RNF214: variants seen among roughly 807,000 people sequenced by gnomAD.
The protein encoded by RNF214 is ring finger protein 214.
In RNF214, 25 loss-of-function variants were observed where a neutral mutation model predicts 75.9. The observed-to-expected ratio is 0.33, with a 90% CI of 0.24 to 0.46. The LOEUF is 0.46. Ranked by LOEUF, RNF214 falls within the 20% of genes least tolerant of loss-of-function variation. The pLI is 1.00. For missense variants in RNF214, 725 were observed against 857.5 expected (o/e 0.85, Z 1.93); for synonymous variants, 314 against 308.8 (o/e 1.02, Z -0.18).
In RNF214 at chr11:117,282,042, A is replaced by G. The variant is rs1374898498; in HGVS notation, c.1484A>G (p.Gln495Arg). The change falls in exon 11 of 15, where the codon CAG becomes CGG. Residue 495 changes from glutamine (Q) to arginine (R), a missense_variant. Physicochemically the swap from Gln to Arg is conservative, Grantham distance 43. Transcript: ENST00000300650. ...SFPILNPALS[Q>R]PSQPSSPLPG... ...CCAATCCTGAACCCTGCCCTTTCCC[A>G]GCCCAGCCAGCCTTCCTCACCCCTT... 1 of 1,613,706 alleles carries G rather than the reference A, an allele frequency of 6.2e-7. No individual in the cohort carries two copies. The highest frequency in any genetic ancestry group is 8.5e-7 in the Non-Finnish European group (1 of 1,179,956).
chr11:117,267,599 C>G (rs1474544791), intron 6 of RNF214, among the ~76,000 whole-genome samples: 1 of 151,954 alleles, frequency 6.6e-6, no homozygotes, highest in Admixed American at 6.6e-5. Context: ...AGTGGTAGTG[C>G]ATGCCTGTGG....
chr11:117,247,872 CA>C (rs893651794), intron 6 of RNF214, among the ~76,000 whole-genome samples: 1 of 141,700 alleles, frequency 7.1e-6, no homozygotes, highest in African/African-American at 2.6e-5. Context: ...AAAAAAAAAA[CA>C]AAACAAAAAA....
chr11:117,282,689 G>C, intron 12 of RNF214, 57 bp from the exon 13 acceptor site: 2 of 1,560,194 alleles, frequency 1.3e-6, no homozygotes, highest in South Asian at 1.1e-5. Context: ...TGATTTTTGT[G>C]ATATGCTCTG....
At chr11:117,233,077 C>T (rs2032764091) in intron 1 of RNF214, among the ~76,000 whole-genome samples, 1 of 152,176 alleles carries the variant, frequency 6.6e-6, no homozygotes, top group Non-Finnish European at 1.5e-5. Flanking sequence ...GTGGCTCCGG[C>T]GCCCCTGCTT....
At chr11:117,269,041 T>C (rs553268888) in intron 6 of RNF214, among the ~76,000 whole-genome samples, 1 of 152,326 alleles carries the variant, frequency 6.6e-6, no homozygotes, top group South Asian at 2.1e-4. Context: ...CAGATGCTTA[T>C]ATACCTACCC....
intron 6 of RNF214, among the ~76,000 whole-genome samples, chr11:117,249,254 T>C (rs1591823128): frequency 6.6e-6 from 1 of 152,302 alleles, no homozygotes; most frequent in East Asian, 1.9e-4. Flanking sequence ...TTATTGTTTT[T>C]TACCTTCAAC....
At position 117,232,684 on chromosome 11, in the gene RNF214, C is replaced by G. The variant is rs1299189522; in HGVS notation, c.-49C>G. The G allele has an allele frequency of 3.3e-5, 5 of 150,858 alleles. No homozygotes were observed. Among genetic ancestry groups the G allele is most frequent in the Non-Finnish European group, 7.4e-5 (5 of 67,510 alleles). The allele number at this position is 150,858 out of a possible 1,614,324, so 9.3% of individuals were successfully genotyped here. On this transcript the variant is annotated 5_prime_UTR_variant, in exon 1 of 15. Transcript: ENST00000300650. ...GCGCGGGCCGGCGCTCGACCCCTCC[C>G]CCCGTGGCTCGGCCGCCCCCTCCCC...
At chr11:117,254,263 A>C (rs2033468756) in intron 6 of RNF214, among the ~76,000 whole-genome samples, 1 of 152,008 alleles carries the variant, frequency 6.6e-6, no homozygotes, top group Non-Finnish European at 1.5e-5. Flanking sequence ...AAAAAAAAAA[A>C]CAAAGTGCAT....
chr11:117,243,023 G>A (rs1187555171), intron 4 of RNF214, among the ~76,000 whole-genome samples: 1 of 152,228 alleles, frequency 6.6e-6, no homozygotes, highest in Non-Finnish European at 1.5e-5. Context: ...TCCCTGGAAA[G>A]GTGTGATGCT....
At chr11:117,262,862 T>C (rs1454214347) in intron 6 of RNF214, among the ~76,000 whole-genome samples, 3 of 152,194 alleles carry the variant, frequency 2.0e-5, no homozygotes, top group African/African-American at 4.8e-5. Flanking sequence ...CAGGTTGAAG[T>C]GCAGTGGCAC....
At chr11:117,262,999 G>A (rs1377946227) in intron 6 of RNF214, among the ~76,000 whole-genome samples, 3 of 151,876 alleles carry the variant, frequency 2.0e-5, no homozygotes, top group Non-Finnish European at 4.4e-5. Flanking sequence ...TAGAGACGGA[G>A]TTTCACCATG....
intron 11 of RNF214, 51 bp from the exon 12 acceptor site, chr11:117,282,353 C>T: frequency 1.9e-6 from 3 of 1,601,234 alleles, no homozygotes; most frequent in African/African-American, 2.7e-5. Flanking sequence ...CATGGGTGTT[C>T]CCCGTGGGTA....
In RNF214 at chr11:117,260,908, C is replaced by T. The variant is rs1404127100; in HGVS notation, c.959+13960C>T. 3.3e-5 allele frequency among the ~76,000 whole-genome samples: 5 copies of T among 149,840 alleles called. No homozygotes were observed. In the East Asian group the frequency reaches 6.2e-4, roughly 19 times the overall value. On this transcript the variant is annotated intron_variant, in intron 6 of 14. Transcript: ENST00000300650. ...ACCTCAGATGATCCGCCCGCCTTGG[C>T]GTCCCAAAGTGCTGGGATTACAGGC...
chr11:117,244,763 T>A (rs2033170373), intron 5 of RNF214, among the ~76,000 whole-genome samples, 178 bp downstream of exon 5: 1 of 151,920 alleles, frequency 6.6e-6, no homozygotes, highest in Non-Finnish European at 1.5e-5. Flanking sequence ...TCTCCTGGGC[T>A]TAAGTGATCT....
At chr11:117,273,809 A>G (rs933517325) in intron 6 of RNF214, among the ~76,000 whole-genome samples, 1 of 152,144 alleles carries the variant, frequency 6.6e-6, no homozygotes, top group African/African-American at 2.4e-5. Flanking sequence ...AAGATGTGGA[A>G]ACTGCATTCT....
rs1321063533 is a variant in RNF214, at chr11:117,239,077, C to T, written c.584C>T (p.Ser195Phe). Residue 195 changes from serine to phenylalanine, a missense_variant, in exon 3 of 15, where the codon TCT (serine) becomes TTT (phenylalanine). This residue lies in a region of RNF214 where 362 missense variants were observed against 344.5 expected (regional missense o/e 1.05). Transcript: ENST00000300650. ...GATCAGGATGATGATCAAGATAGCT[C>T]TTCCCTGAAGCTTTCTCAGAACATT... ...RVDQDDDQDSSSLKLSQNIAV... is the reference protein window; with the variant it reads ...RVDQDDDQDSFSLKLSQNIAV... 1 of 1,613,442 alleles carries T rather than the reference C, an allele frequency of 6.2e-7. No individual in the cohort carries two copies. Among genetic ancestry groups the T allele is most frequent in the Non-Finnish European group, 8.5e-7 (1 of 1,179,840 alleles).
chr11:117,236,651 A>G (rs2032920585), intron 2 of RNF214, among the ~76,000 whole-genome samples: 1 of 152,230 alleles, frequency 6.6e-6, no homozygotes, highest in South Asian at 2.1e-4. Context: ...ACGTGGTAAC[A>G]CATTTAATCT....
At chr11:117,266,692 A>C (rs1565342545) in intron 6 of RNF214, among the ~76,000 whole-genome samples, 1 of 151,976 alleles carries the variant, frequency 6.6e-6, no homozygotes, top group Non-Finnish European at 1.5e-5. Context: ...TAATTTTCAA[A>C]TATTTTTTTC....
intron 1 of RNF214, among the ~76,000 whole-genome samples, chr11:117,234,054 A>T (rs2032826293): frequency 6.6e-6 from 1 of 152,212 alleles, no homozygotes; most frequent in Admixed American, 6.5e-5. Context: ...ATTTATGTAA[A>T]TACAGTGACT....
Sources: allele counts gnomAD v4.1 joint callset (sites outside exome capture counted in the v4.1 genomes callset), GRCh38; gene constraint gnomAD v4.1.1; regional missense constraint gnomAD v4.1.1; transcripts MANE v1.5; gene names NCBI Gene and HGNC (gene_info 2026-07-23, HGNC 2026-07-21).